ANO4: variants seen among roughly 807,000 people sequenced by gnomAD.
ANO4 encodes the protein anoctamin 4, also known as anoctamin-4.
ANO4 carries 69 observed loss-of-function variants against 141.9 expected under a neutral mutation model. That is an observed-to-expected ratio of 0.49 (90% confidence interval 0.40 to 0.59). The LOEUF (loss-of-function observed/expected upper bound fraction) is 0.59, where lower values mean the gene tolerates loss of function less well. ANO4 is among the 20% of genes least tolerant of loss of function. The probability of loss-of-function intolerance (pLI) is 0.00; values close to 1 mark genes in which losing one functional copy is unlikely to be tolerated. For missense variants in ANO4, 894 were observed against 1,162.2 expected, an observed-to-expected ratio of 0.77 and a Z score of 3.36; for synonymous variants, 350 against 394.3, an observed-to-expected ratio of 0.89 and a Z score of 1.33.
chr12:100,975,943 AAG>A (rs67432583), intron 7 of ANO4, among the ~76,000 whole-genome samples: 14,744 of 115,406 alleles, frequency 0.13, 1,269 homozygotes, highest in East Asian at 0.37. Context: ...AAAAAAAAAA[AAG>A]AAAAAAAAAA....
intron 26 of ANO4, among the ~76,000 whole-genome samples, chr12:101,122,003 C>T (rs551986895): frequency 7.9e-5 from 12 of 152,172 alleles, no homozygotes; most frequent in South Asian, 2.1e-4. Flanking sequence ...ATGATCCATC[C>T]GCCTTGGCCT....
intron 8 of ANO4, among the ~76,000 whole-genome samples, chr12:101,001,917 C>T (rs907022208): frequency 1.3e-5 from 2 of 152,142 alleles, no homozygotes; most frequent in Middle Eastern, 3.2e-3. Context: ...TGATTCTTCT[C>T]ACTTCCCACT....
chr12:101,023,151 A>G (rs897940618), intron 9 of ANO4, among the ~76,000 whole-genome samples: 6 of 152,194 alleles, frequency 3.9e-5, no homozygotes, highest in African/African-American at 1.4e-4. Context: ...TAGGAGTTCA[A>G]TAAAGGCGTG....
At chr12:101,117,883 C>T (rs923001855) in intron 25 of ANO4, among the ~76,000 whole-genome samples, 1 of 152,098 alleles carries the variant, frequency 6.6e-6, no homozygotes, top group African/African-American at 2.4e-5. Flanking sequence ...CCAGGGGCTC[C>T]CCATTTCTGT....
At chr12:100,971,473 T>G in intron 6 of ANO4, 67 bp downstream of exon 6, 1 of 1,153,796 alleles carries the variant, frequency 8.7e-7, no homozygotes, top group East Asian at 2.4e-5. Context: ...TTCTCCTCTC[T>G]CAGAACAAAT....
chr12:101,040,928 T>C (rs1182016389), intron 11 of ANO4, among the ~76,000 whole-genome samples: 2 of 152,216 alleles, frequency 1.3e-5, no homozygotes, highest in Non-Finnish European at 2.9e-5. Context: ...GCAAAGGACA[T>C]GAACTCATCC....
At chr12:100,735,610 G>C (rs1223202863) in intron 2 of ANO4, among the ~76,000 whole-genome samples, 3 of 152,124 alleles carry the variant, frequency 2.0e-5, no homozygotes, top group Admixed American at 6.5e-5. Flanking sequence ...ATCAACTAGG[G>C]AGGTGGGATG....
chr12:100,913,709 T>C (rs1218769810), intron 2 of ANO4, among the ~76,000 whole-genome samples: 1 of 152,196 alleles, frequency 6.6e-6, no homozygotes, highest in African/African-American at 2.4e-5. Flanking sequence ...TATACAACTA[T>C]AACTAGTAGA....
At chr12:101,022,509 A>G (rs767496384) in intron 9 of ANO4, among the ~76,000 whole-genome samples, 5 of 152,242 alleles carry the variant, frequency 3.3e-5, no homozygotes, top group Non-Finnish European at 7.3e-5. Flanking sequence ...TTACTTTTAT[A>G]TCTTAATTTC....
intron 1 of ANO4, among the ~76,000 whole-genome samples, chr12:100,889,190 T>G (rs886379799): frequency 6.6e-6 from 1 of 152,082 alleles, no homozygotes; most frequent in Non-Finnish European, 1.5e-5. Context: ...TTCATCCATG[T>G]CCCTACAAAG....
At position 100,942,398 on chromosome 12, in the gene ANO4, TC is replaced by T; in HGVS notation, c.320del (p.Ser107Ter). ...GGETVPERNKSNGLYFRDGKC... is the reference protein window; with the variant it reads ...GGETVPERNKXNGLYFRDGKC... Reference sequence around the variant, plus strand: ...GCAGACAGTGCCAGAAAGAAACAAATCAAATGGACTTTACTTTCGAGATGGA... The same window carrying T: ...GCAGACAGTGCCAGAAAGAAACAAATAAATGGACTTTACTTTCGAGATGGA... On this transcript the variant is annotated frameshift_variant, in exon 5 of 28. Transcript: ENST00000392977. LOFTEE classifies it high-confidence loss of function. The T allele has an allele frequency of 1.2e-6, 2 of 1,613,806 alleles. No individual in the cohort carries two copies. The highest frequency in any genetic ancestry group is 2.2e-5 in the South Asian group (2 of 91,002).
rs138524079 is a variant in ANO4 at position 101,067,956 on chromosome 12, A to G, written c.1313-11237A>G. Among the ~76,000 whole-genome samples the G allele has an allele frequency of 6.0e-3, 910 of 152,338 alleles. 13 individuals are homozygous for G. The highest frequency in any genetic ancestry group is 0.021 in the African/African-American group (876 of 41,584). Reference sequence around the variant, plus strand: ...AATCCTTTGGAATACTGGAGACTTCATAATCTTGATGGCTAATCATTGGTG... The same window carrying G: ...AATCCTTTGGAATACTGGAGACTTCGTAATCTTGATGGCTAATCATTGGTG... On this transcript the variant is annotated intron_variant, in intron 14 of 27. Transcript: ENST00000392977.
intron 8 of ANO4, among the ~76,000 whole-genome samples, chr12:101,005,336 T>G (rs2045826900): frequency 2.0e-5 from 3 of 152,236 alleles, no homozygotes; most frequent in African/African-American, 4.8e-5. Flanking sequence ...TGGCTCACTT[T>G]TGAATAGCAA....
At chr12:100,774,096 A>G (rs1174131004) in intron 3 of ANO4, among the ~76,000 whole-genome samples, 1 of 152,196 alleles carries the variant, frequency 6.6e-6, no homozygotes, top group Non-Finnish European at 1.5e-5. Flanking sequence ...AAAGTTTGCC[A>G]AGTCCTCTTA....
intron 14 of ANO4, among the ~76,000 whole-genome samples, chr12:101,063,856 A>T (rs1020407541): frequency 1.4e-5 from 2 of 140,418 alleles, no homozygotes; most frequent in Non-Finnish European, 3.0e-5. Context: ...TCTAATTCCT[A>T]TAGGATGTGT....
At chr12:101,057,346 T>G (rs969037512) in intron 14 of ANO4, among the ~76,000 whole-genome samples, 2 of 152,208 alleles carry the variant, frequency 1.3e-5, no homozygotes, top group African/African-American at 4.8e-5. Context: ...GTAGAATGAT[T>G]TATAATCCTT....
intron 3 of ANO4, among the ~76,000 whole-genome samples, chr12:100,786,768 G>A (rs1370037742): frequency 1.3e-5 from 2 of 152,172 alleles, no homozygotes; most frequent in Non-Finnish European, 1.5e-5. Flanking sequence ...TGCCTGTGGT[G>A]TTTTATAATC....
At chr12:101,022,872 T>A (rs1312533037) in intron 9 of ANO4, among the ~76,000 whole-genome samples, 1 of 152,206 alleles carries the variant, frequency 6.6e-6, no homozygotes, top group Non-Finnish European at 1.5e-5. Context: ...CCTGAGTAAC[T>A]GGGATTACAG....
chr12:100,835,992 A>G (rs1176992842), intron 1 of ANO4, among the ~76,000 whole-genome samples: 1 of 152,172 alleles, frequency 6.6e-6, no homozygotes, highest in Non-Finnish European at 1.5e-5. Flanking sequence ...TGACAGCAGG[A>G]CCAGTGCCTG....
Sources: allele counts gnomAD v4.1 joint callset (sites outside exome capture counted in the v4.1 genomes callset), GRCh38; gene constraint gnomAD v4.1.1; transcripts MANE v1.5; gene names NCBI Gene and HGNC (gene_info 2026-07-23, HGNC 2026-07-21).